The following SLIT2 variants were observed in gnomAD, a reference collection of about 807,000 sequenced individuals.
SLIT2 encodes the protein slit guidance ligand 2.
In SLIT2, 41 loss-of-function variants were observed where a neutral mutation model predicts 185.7. That is an observed-to-expected ratio of 0.22 (90% CI 0.17 to 0.29). The LOEUF (loss-of-function observed/expected upper bound fraction) is 0.29. Among genes scored for constraint, SLIT2 ranks in the 10% least tolerant of loss-of-function variants. The probability of loss-of-function intolerance (pLI) is 1.00; values close to 1 mark genes in which losing one functional copy is unlikely to be tolerated. For synonymous variants in SLIT2, 693 were observed against 680.2 expected (o/e 1.02, Z -0.29); for missense variants, 1,571 against 1,909.0 (o/e 0.82, Z 3.30).
intron 4 of SLIT2, among the ~76,000 whole-genome samples, chr4:20,415,177 C>T (rs573574534): frequency 1.3e-5 from 2 of 152,048 alleles, no homozygotes; most frequent in Admixed American, 6.5e-5. Flanking sequence ...TTTGGGAGGC[C>T]GAGGCGGGCG....
intron 4 of SLIT2, among the ~76,000 whole-genome samples, chr4:20,339,141 G>GA (rs1303820102): frequency 2.2e-5 from 3 of 134,756 alleles, no homozygotes; most frequent in African/African-American, 8.2e-5. Flanking sequence ...TAAATATTTA[G>GA]AAAAAAATCA....
intron 33 of SLIT2, among the ~76,000 whole-genome samples, chr4:20,606,471 G>C (rs1357743785): frequency 7.5e-6 from 1 of 132,854 alleles, no homozygotes; most frequent in Non-Finnish European, 1.6e-5. Context: ...GACAGAGCGA[G>C]ACTCTGTCTC....
At chr4:20,444,120 G>A (rs1351034239) in intron 4 of SLIT2, among the ~76,000 whole-genome samples, 1 of 152,142 alleles carries the variant, frequency 6.6e-6, no homozygotes, top group Non-Finnish European at 1.5e-5. Flanking sequence ...TGGAAAGAAG[G>A]AAAGGCTCCT....
At chr4:20,429,097 A>G (rs547277668) in intron 4 of SLIT2, among the ~76,000 whole-genome samples, 68 of 152,288 alleles carry the variant, frequency 4.5e-4, no homozygotes, top group African/African-American at 1.3e-3. Flanking sequence ...AAGCTGCTTC[A>G]TGGGGATCAG....
At chr4:20,299,559 T>C (rs2109102347) in intron 4 of SLIT2, among the ~76,000 whole-genome samples, 1 of 152,254 alleles carries the variant, frequency 6.6e-6, no homozygotes, top group Non-Finnish European at 1.5e-5. Context: ...TTTCTTTTTC[T>C]ATAGAGAAAA....
intron 4 of SLIT2, among the ~76,000 whole-genome samples, chr4:20,413,636 G>A (rs1199707015): frequency 6.6e-6 from 1 of 151,930 alleles, no homozygotes; most frequent in Non-Finnish European, 1.5e-5. Flanking sequence ...TACGTGTCAT[G>A]TTAATGATTT....
In SLIT2 at chr4:20,511,509, C is replaced by G. The variant is rs1239349241; in HGVS notation, c.1058+372C>G. On this transcript the variant is annotated intron_variant, in intron 11 of 36. Transcript: ENST00000504154. ...CCATCTCGGCTCACTGCAAGCTTCA[C>G]CTCCTGGGTTCATGCCATTCTCCTG... Among the ~76,000 whole-genome samples, 11 of 147,220 alleles carry G rather than the reference C, an allele frequency of 7.5e-5. No individual in the cohort carries two copies. In the East Asian group the frequency reaches 2.0e-3, roughly 27 times the overall value.
chr4:20,555,049 G>A lies in SLIT2; in HGVS notation c.2725+1081G>A, dbSNP rs554993169. ...CTCCCAAAGTGCTGGGATTACAGGT[G>A]TGAGCCACCACGCCTGGCCAGATTG... On this transcript the variant is annotated intron_variant, in intron 26 of 36. Coordinates refer to ENST00000504154, the MANE Select transcript of SLIT2 (RefSeq NM_004787.4). 2.0e-5 allele frequency among the ~76,000 whole-genome samples: 3 copies of A among 151,522 alleles called. No homozygotes were observed. The South Asian group carries it at 6.2e-4, about 31-fold the overall frequency.
At position 20,533,628 on chromosome 4, in the gene SLIT2, C is replaced by G. The variant is rs949905031; in HGVS notation, c.1745C>G (p.Ser582Cys). ...GAGGAGGGAGCATTTGAAGGAGCATCTGGTGTAAATGAAATACTTCTTACG... is the reference window on the plus strand; with the variant it reads ...GAGGAGGGAGCATTTGAAGGAGCATGTGGTGTAAATGAAATACTTCTTACG... ...DIEEGAFEGA[S>C]GVNEILLTSN... is the part of the protein sequence containing the mutation. The change falls in exon 18 of 37, where the codon TCT (serine) becomes TGT (cysteine). Residue 582 changes from serine to cysteine, a missense_variant. By Grantham distance (112) the Ser-to-Cys change is moderately radical (BLOSUM62 -1). This residue lies in a region of SLIT2 where 1,202 missense variants were observed against 1,416.4 expected (regional missense o/e 0.85). Coordinates refer to ENST00000504154, the MANE Select transcript of SLIT2 (RefSeq NM_004787.4). 4 of 1,610,814 alleles carry G rather than the reference C, an allele frequency of 2.5e-6. No individual in the cohort carries two copies. Among genetic ancestry groups the G allele is most frequent in the Admixed American group, 1.7e-5 (1 of 59,990 alleles).
intron 4 of SLIT2, among the ~76,000 whole-genome samples, chr4:20,319,487 G>T (rs1375623061): frequency 1.3e-5 from 2 of 151,960 alleles, no homozygotes; most frequent in Non-Finnish European, 2.9e-5. Context: ...GAAAATGATG[G>T]ATGCATCATA....
At chr4:20,376,191 T>C (rs766749450) in intron 4 of SLIT2, among the ~76,000 whole-genome samples, 101 of 148,712 alleles carry the variant, frequency 6.8e-4, no homozygotes, top group Non-Finnish European at 1.3e-3. Context: ...GATTCTTCTC[T>C]CTGCTTTTAC....
At chr4:20,375,629 T>C (rs1470356763) in intron 4 of SLIT2, among the ~76,000 whole-genome samples, 1 of 152,110 alleles carries the variant, frequency 6.6e-6, no homozygotes, top group Non-Finnish European at 1.5e-5. Context: ...TTTCTCATCA[T>C]AAGTTGAAAG....
At chr4:20,431,751 C>T (rs1728998168) in intron 4 of SLIT2, among the ~76,000 whole-genome samples, 1 of 152,136 alleles carries the variant, frequency 6.6e-6, no homozygotes, top group Non-Finnish European at 1.5e-5. Context: ...ATTTCCTCTA[C>T]TTCATATAGC....
At chr4:20,265,092 G>T (rs1274345919) in intron 3 of SLIT2, among the ~76,000 whole-genome samples, 1 of 151,838 alleles carries the variant, frequency 6.6e-6, no homozygotes, top group Non-Finnish European at 1.5e-5. Flanking sequence ...GGAACCATCA[G>T]ATTTAACTTC....
intron 4 of SLIT2, among the ~76,000 whole-genome samples, chr4:20,346,150 G>C (rs1721392239): frequency 6.6e-6 from 1 of 152,018 alleles, no homozygotes; most frequent in African/African-American, 2.4e-5. Context: ...GCACCACTAT[G>C]CCCTGCTAAA....
intron 4 of SLIT2, among the ~76,000 whole-genome samples, chr4:20,412,406 GT>G (rs1363580419): frequency 6.6e-6 from 1 of 152,026 alleles, no homozygotes; most frequent in African/African-American, 2.4e-5. Context: ...AAGAGAAATT[GT>G]TTTTCCAACA....
chr4:20,371,847 T>C (rs1442331117), intron 4 of SLIT2, among the ~76,000 whole-genome samples: 1 of 152,124 alleles, frequency 6.6e-6, no homozygotes, highest in Non-Finnish European at 1.5e-5. Context: ...TGTACTCTTG[T>C]ACTTTTTTTT....
At chr4:20,561,264 A>G (rs997341131) in intron 26 of SLIT2, among the ~76,000 whole-genome samples, 1 of 151,876 alleles carries the variant, frequency 6.6e-6, no homozygotes, top group Non-Finnish European at 1.5e-5. Context: ...ATAACCCATG[A>G]TAATCAACAT....
At chr4:20,590,075 T>C (rs1727387783) in intron 30 of SLIT2, among the ~76,000 whole-genome samples, 1 of 151,706 alleles carries the variant, frequency 6.6e-6, no homozygotes, top group South Asian at 2.1e-4. Context: ...CTGGCTAATT[T>C]TTTGTATTTT....
Sources: allele counts gnomAD v4.1 joint callset (sites outside exome capture counted in the v4.1 genomes callset), GRCh38; gene constraint gnomAD v4.1.1; regional missense constraint gnomAD v4.1.1; transcripts MANE v1.5; gene names NCBI Gene and HGNC (gene_info 2026-07-23, HGNC 2026-07-21).